The following RGPD2 variants were observed in gnomAD, a reference collection of about 807,000 sequenced individuals.
The protein encoded by RGPD2 is RANBP2 like and GRIP domain containing 2, also known as RANBP2-like and GRIP domain-containing protein 2.
In RGPD2, 2 loss-of-function variants were observed where a neutral mutation model predicts 36.0. The observed-to-expected ratio is 0.06, with a 90% CI of 0.02 to 0.17. RGPD2 has a LOEUF of 0.17. Ranked by LOEUF, RGPD2 falls within the 10% of genes least tolerant of loss-of-function variation. The probability of loss-of-function intolerance (pLI) is 1.00; values close to 1 mark genes in which losing one functional copy is unlikely to be tolerated. For synonymous variants in RGPD2, 19 were observed against 163.8 expected, an observed-to-expected ratio of 0.12 and a Z score of 6.75; for missense variants, 40 against 464.3, an observed-to-expected ratio of 0.09 and a Z score of 8.40.
the RGPD2 span, among the ~76,000 whole-genome samples, chr2:87,846,613 G>A: frequency 3.9e-5 from 6 of 152,050 alleles, no homozygotes; most frequent in African/African-American, 9.7e-5. Flanking sequence ...GTGTAAGAAC[G>A]CTATGAGCAT....
At chr2:87,768,983 TGAGA>T (rs1558717150) in intron 22 of RGPD2, among the ~76,000 whole-genome samples, 8 of 8,270 alleles carry the variant, frequency 9.7e-4, no homozygotes, top group African/African-American at 2.8e-3. Flanking sequence ...TTTTTTTTTT[TGAGA>T]TAAGAGTTTT....
chr2:87,972,777 G>A, the RGPD2 span: 10 of 1,611,376 alleles, frequency 6.2e-6, no homozygotes, highest in Non-Finnish European at 8.5e-6. Flanking sequence ...TGTGAGAGTG[G>A]TCACTGCTGC....
the RGPD2 span, among the ~76,000 whole-genome samples, chr2:87,943,338 G>A: frequency 8.1e-5 from 12 of 148,280 alleles, 1 homozygote; most frequent in South Asian, 2.2e-4. Flanking sequence ...ATTAATTTAC[G>A]TTCACTAATG....
the RGPD2 span, among the ~76,000 whole-genome samples, chr2:87,831,273 G>C: frequency 6.6e-6 from 1 of 151,678 alleles, no homozygotes; most frequent in Non-Finnish European, 1.5e-5. Context: ...TGAAGCACAG[G>C]GCAATAATGA....
the RGPD2 span, among the ~76,000 whole-genome samples, chr2:87,943,068 T>TG: frequency 3.3e-5 from 1 of 30,292 alleles, no homozygotes; most frequent in Non-Finnish European, 6.8e-5. Flanking sequence ...TCAATACACA[T>TG]GGGGGTGTGG....
chr2:87,834,793 C>T, the RGPD2 span, among the ~76,000 whole-genome samples: 11 of 152,020 alleles, frequency 7.2e-5, no homozygotes, highest in South Asian at 2.1e-4. Context: ...TAATCTCACA[C>T]GAACATGAGG....
chr2:87,932,789 C>T, the RGPD2 span, among the ~76,000 whole-genome samples: 1 of 152,036 alleles, frequency 6.6e-6, no homozygotes, highest in South Asian at 2.1e-4. Context: ...CCGATTCCTT[C>T]TGGTTTATAG....
At chr2:87,986,875 T>A in the RGPD2 span, among the ~76,000 whole-genome samples, 1 of 74,500 alleles carries the variant, frequency 1.3e-5, no homozygotes, top group Non-Finnish European at 2.9e-5. Context: ...AGCGAAACTG[T>A]CTCAAAAAAA....
At chr2:87,920,914 A>C in the RGPD2 span, among the ~76,000 whole-genome samples, 1 of 113,878 alleles carries the variant, frequency 8.8e-6, no homozygotes, top group Non-Finnish European at 1.8e-5. Flanking sequence ...CAGAGGGGAT[A>C]GTTCTTTTCC....
chr2:87,837,271 A>T, the RGPD2 span, among the ~76,000 whole-genome samples: 1 of 151,800 alleles, frequency 6.6e-6, no homozygotes, highest in Non-Finnish European at 1.5e-5. Flanking sequence ...CAGAATATAC[A>T]TTATTCTCAT....
the RGPD2 span, among the ~76,000 whole-genome samples, chr2:87,843,745 A>C: frequency 2.6e-5 from 4 of 152,216 alleles, no homozygotes; most frequent in African/African-American, 9.6e-5. Flanking sequence ...ACATGCTGCT[A>C]TAAAGACACA....
chr2:87,831,000 G>A, the RGPD2 span, among the ~76,000 whole-genome samples: 1 of 152,044 alleles, frequency 6.6e-6, no homozygotes, highest in South Asian at 2.1e-4. Flanking sequence ...TACCACACAG[G>A]CTTTAAAATT....
the RGPD2 span, among the ~76,000 whole-genome samples, chr2:87,921,601 G>A: frequency 1.3e-5 from 2 of 152,148 alleles, no homozygotes; most frequent in African/African-American, 4.8e-5. Flanking sequence ...TTTCCTGCAA[G>A]CCAGGACCAT....
rs1686719144 is a variant in RGPD2, at chr2:87,825,496, C to CCAGGT, written c.72+161_72+162insACCTG. ...CGCCGTCGCCGCCGCCGCCGCCCGG[C>CCAGGT]CGAGGCCGAGGCCGAGGCCGCCGCC... is the stretch of plus-strand genomic sequence containing the variant. On this transcript the variant is annotated intron_variant, in intron 1 of 22. Transcript: ENST00000398146. Among the ~76,000 whole-genome samples the CCAGGT allele has an allele frequency of 1.8e-4, 13 of 74,070 alleles. 1 individual carries two copies. Among genetic ancestry groups the CCAGGT allele is most frequent in the African/African-American group, 6.6e-4 (12 of 18,126 alleles). 48.6% of individuals were successfully genotyped at this position (74,070 alleles called of 152,430 possible). A position where few individuals can be genotyped will look rare whatever the true frequency, so the allele number is the denominator to read the frequency against.
At chr2:87,983,410 G>A in the RGPD2 span, among the ~76,000 whole-genome samples, 1 of 124,404 alleles carries the variant, frequency 8.0e-6, no homozygotes, top group East Asian at 2.5e-4. Context: ...TTCATGTGCT[G>A]AAATAGACAC....
the RGPD2 span, among the ~76,000 whole-genome samples, chr2:87,974,470 T>C: frequency 1.3e-5 from 2 of 151,982 alleles, no homozygotes; most frequent in Admixed American, 1.3e-4. Flanking sequence ...ACCTTTATTT[T>C]TCTTTACTGC....
the RGPD2 span, among the ~76,000 whole-genome samples, chr2:87,905,297 G>T: frequency 6.6e-6 from 1 of 152,232 alleles, no homozygotes; most frequent in Non-Finnish European, 1.5e-5. Context: ...ACATTCTGCA[G>T]TTCACAGGAT....
chr2:87,957,230 G>T, the RGPD2 span, among the ~76,000 whole-genome samples: 21 of 35,594 alleles, frequency 5.9e-4, no homozygotes, highest in African/African-American at 1.1e-3. Flanking sequence ...GTTTAGACAA[G>T]GTCACTGGGG....
At chr2:87,829,325 G>C (rs1481148935), upstream of RGPD2, among the ~76,000 whole-genome samples, 2 of 121,342 alleles carry the variant, frequency 1.6e-5, no homozygotes, top group Non-Finnish European at 3.5e-5. Context: ...CATATTACTT[G>C]ATTATTTTTG....
Sources: allele counts gnomAD v4.1 joint callset (sites outside exome capture counted in the v4.1 genomes callset), GRCh38; gene constraint gnomAD v4.1.1; transcripts MANE v1.5; gene names NCBI Gene and HGNC (gene_info 2026-07-23, HGNC 2026-07-21).